BBS4: variants seen among roughly 807,000 people sequenced by gnomAD.
BBS4 encodes BBSome complex member BBS4.
A neutral mutation model predicts 71.4 loss-of-function variants in BBS4; 58 were observed. The observed-to-expected ratio is 0.81, with a 90% CI of 0.66 to 1.01. BBS4 has a LOEUF of 1.01. Ranked by LOEUF, BBS4 falls within the 50% of genes least tolerant of loss-of-function variation. The pLI is 0.00. For missense variants in BBS4, 660 were observed against 607.9 expected, an observed-to-expected ratio of 1.09 and a Z score of -0.90; for synonymous variants, 228 against 216.8, an observed-to-expected ratio of 1.05 and a Z score of -0.46.
At chr15:72,722,192 C>T (rs1357418553) in intron 6 of BBS4, among the ~76,000 whole-genome samples, 1 of 152,172 alleles carries the variant, frequency 6.6e-6, no homozygotes, top group East Asian at 1.9e-4. Flanking sequence ...GGCCCATGGA[C>T]CATAGTTTTC....
At chr15:72,719,281 A>C (rs1246736034) in intron 6 of BBS4, among the ~76,000 whole-genome samples, 1 of 76,520 alleles carries the variant, frequency 1.3e-5, no homozygotes. Context: ...TTTTTTTTTT[A>C]AGAGACAAGG....
chr15:72,719,263 A>ATTTT lies in BBS4; in HGVS notation c.405+2427_405+2430dup, dbSNP rs34214646. Among the ~76,000 whole-genome samples the ATTTT allele has an allele frequency of 5.0e-3, 703 of 140,940 alleles. 9 individuals carry two copies. The highest frequency in any genetic ancestry group is 0.035 in the South Asian group (152 of 4,372). 92.5% of individuals were successfully genotyped at this position (140,940 alleles called of 152,430 possible). On this transcript the variant is annotated intron_variant, in intron 6 of 15. Transcript: ENST00000268057. ...ATGCTAGCAGTTTTTTACTTTCTAA[A>ATTTT]TTTTTTTTTTTTTTTTTAAGAGACA...
chr15:72,727,975 T>C lies in BBS4; in HGVS notation c.623T>C (p.Leu208Ser), dbSNP rs1358520224. The change falls in exon 9 of 16, where the codon TTA (leucine) becomes TCA (serine). Residue 208 changes from leucine to serine, a missense_variant. Transcript: ENST00000268057. ...SPENTELLTT[L>S]GLLYLQLGIY... ...GAAAATACAGAGCTTCTTACAACTTTAGGATTACTCTACTTACAGGTAATG... is the reference window on the plus strand; with the variant it reads ...GAAAATACAGAGCTTCTTACAACTTCAGGATTACTCTACTTACAGGTAATG... 39 of 1,612,500 alleles carry C rather than the reference T, an allele frequency of 2.4e-5. 1 individual carries two copies. Among genetic ancestry groups the C allele is most frequent in the South Asian group, 3.3e-5 (3 of 91,044 alleles).
intron 1 of BBS4, among the ~76,000 whole-genome samples, chr15:72,693,729 G>A (rs1567397221): frequency 6.6e-6 from 1 of 152,114 alleles, no homozygotes; most frequent in South Asian, 2.1e-4. Flanking sequence ...GATTTGACCT[G>A]TGGGCCATAG....
chr15:72,705,203 A>G (rs926062549), intron 2 of BBS4, among the ~76,000 whole-genome samples: 1 of 152,200 alleles, frequency 6.6e-6, no homozygotes, highest in African/African-American at 2.4e-5. Context: ...CCATGAAATC[A>G]GGGAGTCAGT....
intron 2 of BBS4, chr15:72,704,366 A>C: frequency 9.6e-7 from 1 of 1,042,990 alleles, no homozygotes; most frequent in South Asian, 1.3e-5. Flanking sequence ...GGATCTTTCA[A>C]CTAGTAATTC....
intron 1 of BBS4, among the ~76,000 whole-genome samples, chr15:72,687,122 AAC>A (rs1491283759): frequency 6.4e-4 from 6 of 9,312 alleles, no homozygotes; most frequent in Non-Finnish European, 1.9e-3. Flanking sequence ...TGAAGACAGA[AAC>A]TTTTTTTTTT....
At chr15:72,696,218 G>C (rs1250541102) in intron 2 of BBS4, among the ~76,000 whole-genome samples, 1 of 152,064 alleles carries the variant, frequency 6.6e-6, no homozygotes, top group South Asian at 2.1e-4. Context: ...AAATTGACCC[G>C]TTTGTCTTTA....
chr15:72,728,107 T>A, intron 9 of BBS4, 113 bp downstream of exon 9: 1 of 752,386 alleles, frequency 1.3e-6, no homozygotes, highest in South Asian at 1.5e-5. Flanking sequence ...TCATATAAAG[T>A]TCATGAACTA....
chr15:72,719,637 G>A (rs544533833), intron 6 of BBS4, among the ~76,000 whole-genome samples: 3 of 151,950 alleles, frequency 2.0e-5, no homozygotes, highest in Admixed American at 1.3e-4. Flanking sequence ...GGAATGGAAC[G>A]TATTTCTTAA....
At chr15:72,694,004 C>T (rs1221084688) in intron 1 of BBS4, among the ~76,000 whole-genome samples, 2 of 152,006 alleles carry the variant, frequency 1.3e-5, no homozygotes, top group African/African-American at 4.8e-5. Flanking sequence ...CCTGCCTCAG[C>T]CTCCCAAGTA....
chr15:72,709,739 T>C lies in BBS4; in HGVS notation c.116T>C (p.Ile39Thr). The C allele has an allele frequency of 3.7e-6, 6 of 1,613,822 alleles. No individual in the cohort carries two copies. Among genetic ancestry groups the C allele is most frequent in the Non-Finnish European group, 5.1e-6 (6 of 1,179,848 alleles). The change falls in exon 3 of 16, where the codon ATT (isoleucine) becomes ACT (threonine). Residue 39 changes from isoleucine (I) to threonine (T), a missense_variant. Transcript: ENST00000268057. The part of the protein sequence containing the change: ...FPILEKQNWL[I>T]HLHYIRKDYE... The stretch of plus-strand genomic sequence containing the variant: ...ATTTTGGAGAAGCAGAACTGGTTGA[T>C]TCATCTTCATTATATCCGGAAAGAT...
chr15:72,701,964 A>G (rs1334459311), intron 2 of BBS4, among the ~76,000 whole-genome samples: 3 of 151,864 alleles, frequency 2.0e-5, no homozygotes, highest in Non-Finnish European at 4.4e-5. Flanking sequence ...CAGCCTCCCA[A>G]GTAGCTGGGA....
chr15:72,718,971 C>T (rs575598401), intron 6 of BBS4, among the ~76,000 whole-genome samples: 18 of 152,258 alleles, frequency 1.2e-4, no homozygotes, highest in Admixed American at 3.9e-4. Context: ...ATTCTGGAGT[C>T]AGCAACATAA....
intron 10 of BBS4, among the ~76,000 whole-genome samples, chr15:72,731,065 C>CTTTTTTTTT (rs35004414): frequency 4.9e-4 from 38 of 77,640 alleles, no homozygotes; most frequent in Non-Finnish European, 6.0e-4. Context: ...AACATTTTAT[C>CTTTTTTTTT]TTTTTTTTTT....
chr15:72,709,733 G>C lies in BBS4; in HGVS notation c.110G>C (p.Trp37Ser). 1 of 1,613,696 alleles carries C rather than the reference G, an allele frequency of 6.2e-7. No individual in the cohort carries two copies. Among genetic ancestry groups the C allele is most frequent in the Non-Finnish European group, 8.5e-7 (1 of 1,179,784 alleles). Residue 37 changes from tryptophan (W) to serine (S), a missense_variant, in exon 3 of 16, where the codon TGG becomes TCG. Trp to Ser is a radical substitution (Grantham distance 177). Transcript: ENST00000268057. Reference protein sequence around the residue: ...PEFPILEKQNWLIHLHYIRKD... With the variant: ...PEFPILEKQNSLIHLHYIRKD... Reference sequence around the variant, plus strand: ...TTTCCTATTTTGGAGAAGCAGAACTGGTTGATTCATCTTCATTATATCCGG... The same window carrying C: ...TTTCCTATTTTGGAGAAGCAGAACTCGTTGATTCATCTTCATTATATCCGG...
chr15:72,708,969 C>G (rs1005048766), intron 2 of BBS4, among the ~76,000 whole-genome samples: 1 of 152,188 alleles, frequency 6.6e-6, no homozygotes, highest in African/African-American at 2.4e-5. Flanking sequence ...AACATAGACT[C>G]TTATCAGTAA....
intron 6 of BBS4, 89 bp downstream of exon 6, chr15:72,716,939 A>T: frequency 2.1e-6 from 2 of 937,490 alleles, no homozygotes; most frequent in Non-Finnish European, 3.4e-6. Context: ...GAATTCTTAC[A>T]TTCCAAAAAT....
chr15:72,732,293 T>A (rs961651592), intron 12 of BBS4, among the ~76,000 whole-genome samples: 2 of 152,206 alleles, frequency 1.3e-5, no homozygotes, highest in African/African-American at 4.8e-5. Flanking sequence ...GAAACCCTTA[T>A]CTCTTCTGAG....
Sources: gnomAD v4.1 joint callset for allele counts (sites outside exome capture counted in the v4.1 genomes callset) on GRCh38, gnomAD v4.1.1 for gene constraint, MANE v1.5 for transcripts, NCBI Gene and HGNC (gene_info 2026-07-23, HGNC 2026-07-21) for gene names.